Variants in KALRN observed in about 807,000 individuals in gnomAD.
KALRN encodes the protein kalirin RhoGEF kinase.
A neutral mutation model predicts 353.7 loss-of-function variants in KALRN; 70 were observed. The ratio of observed to expected loss-of-function variants is 0.20; its 90% CI spans 0.16 to 0.24. KALRN has a LOEUF of 0.24. Among genes scored for constraint, KALRN ranks in the 10% least tolerant of loss-of-function variants. The probability of loss-of-function intolerance (pLI) is 1.00; values close to 1 mark genes in which losing one functional copy is unlikely to be tolerated. For missense variants in KALRN, 2,791 were observed against 3,756.7 expected, an observed-to-expected ratio of 0.74 and a Z score of 6.72; for synonymous variants, 1,391 against 1,434.8, an observed-to-expected ratio of 0.97 and a Z score of 0.69.
intron 1 of KALRN, among the ~76,000 whole-genome samples, chr3:124,191,349 C>A (rs1014276075): frequency 3.9e-5 from 6 of 152,178 alleles, no homozygotes; most frequent in African/African-American, 1.4e-4. Flanking sequence ...AAAGTCCCAA[C>A]CTTCTAATCA....
intron 26 of KALRN, among the ~76,000 whole-genome samples, chr3:124,475,217 T>C (rs2061328958): frequency 6.6e-6 from 1 of 152,208 alleles, no homozygotes; most frequent in Non-Finnish European, 1.5e-5. Context: ...ATGTATCCTT[T>C]GAGTTCCACC....
At chr3:124,270,563 C>A (rs2074026778) in intron 5 of KALRN, among the ~76,000 whole-genome samples, 1 of 151,970 alleles carries the variant, frequency 6.6e-6, no homozygotes, top group Non-Finnish European at 1.5e-5. Flanking sequence ...TAGCATATCA[C>A]TTTTTATATA....
At chr3:124,460,917 T>C (rs1188881118) in intron 23 of KALRN, among the ~76,000 whole-genome samples, 1 of 152,184 alleles carries the variant, frequency 6.6e-6, no homozygotes, top group African/African-American at 2.4e-5. Flanking sequence ...AGACTTCTCT[T>C]TATGGGGGAC....
chr3:124,260,572 C>T (rs1255864915), intron 3 of KALRN, among the ~76,000 whole-genome samples: 1 of 152,098 alleles, frequency 6.6e-6, no homozygotes, highest in Non-Finnish European at 1.5e-5. Flanking sequence ...CCCATGGGCC[C>T]AGGAAGTAGG....
In KALRN at chr3:124,658,452, G is replaced by T. The variant is rs139149462; in HGVS notation, c.6058G>T (p.Val2020Leu). 1.4e-5 allele frequency: 23 copies of T among 1,613,662 alleles called. No homozygotes were observed. The South Asian group carries it at 2.4e-4, about 17-fold the overall frequency. The change falls in exon 42 of 60, where the codon GTG becomes TTG. Residue 2020 changes from valine to leucine, a missense_variant. By Grantham distance (32) the Val-to-Leu change is conservative. Transcript: ENST00000682506. ...IKHERKLHIY[V>L]WYCQNKPRSE... ...TCAGGAGCGGAAGCTGCACATCTAC[G>T]TGTGGTATTGTCAGAATAAGCCGCG...
chr3:124,377,977 G>A lies in KALRN; in HGVS notation c.1771-6868G>A, dbSNP rs76968455. Among the ~76,000 whole-genome samples, 381 of 152,012 alleles carry A rather than the reference G, an allele frequency of 2.5e-3. 2 individuals carry two copies. Among genetic ancestry groups the A allele is most frequent in the African/African-American group, 8.3e-3 (343 of 41,486 alleles). ...TTCCCTGTAGACAGCATATAATTGG[G>A]ACTTGCTTTTTTATCTAATCTGACA... On this transcript the variant is annotated intron_variant, in intron 10 of 59. Transcript: ENST00000682506.
rs2082621790 is a variant in KALRN, at chr3:124,349,476, A to T, written c.1770+2211A>T. 1.3e-5 allele frequency among the ~76,000 whole-genome samples: 2 copies of T among 152,030 alleles called. 1 individual carries two copies. Among genetic ancestry groups the T allele is most frequent in the South Asian group, 4.2e-4 (2 of 4,818 alleles). Reference sequence around the variant, plus strand: ...TTTTGCAATTTTTTTTTAGCTCATCAGCTATCATTAGTATATTTTATGTGT... The same window carrying T: ...TTTTGCAATTTTTTTTTAGCTCATCTGCTATCATTAGTATATTTTATGTGT... On this transcript the variant is annotated intron_variant, in intron 10 of 59. Coordinates refer to ENST00000682506, the MANE Select transcript of KALRN (RefSeq NM_001388419.1).
intron 33 of KALRN, among the ~76,000 whole-genome samples, chr3:124,561,145 G>C (rs1019850052): frequency 1.3e-5 from 2 of 152,168 alleles, no homozygotes; most frequent in African/African-American, 2.4e-5. Context: ...AACTGTAAAA[G>C]TACTCTAGAG....
At chr3:124,664,761 C>G (rs942583059) in intron 45 of KALRN, among the ~76,000 whole-genome samples, 4 of 152,180 alleles carry the variant, frequency 2.6e-5, no homozygotes, top group Non-Finnish European at 5.9e-5. Context: ...TGTCAAGCCA[C>G]CAGAACCTGC....
chr3:124,049,625 C>T (rs919241897), intron 1 of KALRN, among the ~76,000 whole-genome samples: 6 of 152,128 alleles, frequency 3.9e-5, no homozygotes, highest in African/African-American at 1.4e-4. Flanking sequence ...CTGTACTGCA[C>T]TTGAGGACTG....
In KALRN at chr3:124,320,611, G is replaced by A. The variant is rs113302301; in HGVS notation, c.1093-5369G>A. On this transcript the variant is annotated intron_variant, in intron 6 of 59. Coordinates refer to ENST00000682506, the MANE Select transcript of KALRN (RefSeq NM_001388419.1). The stretch of plus-strand genomic sequence containing the variant: ...GGACAAGATGGCCCCACTTCTGAGC[G>A]CTCTGGATGTGGCTATCACATGCCA... Among the ~76,000 whole-genome samples, 10 of 152,326 alleles carry A rather than the reference G, an allele frequency of 6.6e-5. 1 individual carries two copies. The highest frequency in any genetic ancestry group is 1.4e-4 in the African/African-American group (6 of 41,580).
intron 34 of KALRN, among the ~76,000 whole-genome samples, chr3:124,605,509 G>T (rs1184797144): frequency 6.6e-6 from 1 of 151,720 alleles, no homozygotes; most frequent in African/African-American, 2.4e-5. Context: ...GCAGGCGGAG[G>T]TTGCAGTGAG....
intron 15 of KALRN, among the ~76,000 whole-genome samples, chr3:124,430,200 A>C (rs973799607): frequency 6.6e-6 from 1 of 152,236 alleles, no homozygotes; most frequent in African/African-American, 2.4e-5. Context: ...ATATGCTTGC[A>C]CTAGATGAAG....
At chr3:124,482,532 T>TTTC (rs2062092397) in intron 27 of KALRN, among the ~76,000 whole-genome samples, 2 of 152,174 alleles carry the variant, frequency 1.3e-5, no homozygotes, top group African/African-American at 4.8e-5. Flanking sequence ...TACTGTTCTT[T>TTTC]TTCTCCATTT....
At chr3:124,496,903 G>A (rs1413529377) in intron 33 of KALRN, among the ~76,000 whole-genome samples, 2 of 152,190 alleles carry the variant, frequency 1.3e-5, no homozygotes, top group African/African-American at 4.8e-5. Flanking sequence ...TTTGGTAGCA[G>A]CCTGTTATCC....
At chr3:124,629,390 A>C (rs555238490) in intron 34 of KALRN, among the ~76,000 whole-genome samples, 125 of 152,138 alleles carry the variant, frequency 8.2e-4, no homozygotes, top group Non-Finnish European at 1.4e-3. Flanking sequence ...ACAACAACAA[A>C]AAAAACTCTT....
At chr3:124,484,549 T>C (rs1441563123) in intron 28 of KALRN, among the ~76,000 whole-genome samples, 3 of 152,102 alleles carry the variant, frequency 2.0e-5, no homozygotes, top group African/African-American at 7.2e-5. Context: ...TGCTTTCCCT[T>C]CTTTGTTTTT....
chr3:124,635,392 TG>T (rs2081252984), intron 36 of KALRN, among the ~76,000 whole-genome samples: 3 of 152,328 alleles, frequency 2.0e-5, no homozygotes, highest in Middle Eastern at 3.4e-3. Flanking sequence ...TTTACAGAAA[TG>T]GATGTTACAT....
At chr3:124,400,249 T>C (rs1272131436) in intron 13 of KALRN, among the ~76,000 whole-genome samples, 1 of 152,196 alleles carries the variant, frequency 6.6e-6, no homozygotes, top group Non-Finnish European at 1.5e-5. Context: ...AAAATGTTCA[T>C]ATTGAGAATC....
Sources: allele counts gnomAD v4.1 joint callset (sites outside exome capture counted in the v4.1 genomes callset), GRCh38; gene constraint gnomAD v4.1.1; transcripts MANE v1.5; gene names NCBI Gene and HGNC (gene_info 2026-07-23, HGNC 2026-07-21).